Variants in CMIP observed in about 807,000 individuals in gnomAD.
CMIP encodes the protein C-Maf-inducing protein.
CMIP carries 13 observed loss-of-function variants against 97.3 expected under a neutral mutation model. The observed-to-expected ratio is 0.13, with a 90% CI of 0.09 to 0.21. The LOEUF (loss-of-function observed/expected upper bound fraction) is 0.21. Ranked by LOEUF, CMIP falls within the 10% of genes least tolerant of loss-of-function variation. The pLI is 1.00. For missense variants in CMIP, 847 were observed against 1,024.9 expected (o/e 0.83, Z 2.37); for synonymous variants, 538 against 436.3 (o/e 1.23, Z -2.91).
chr16:81,678,267 T>G lies in CMIP; in HGVS notation c.1035-8T>G. ...TACTCATGTGCCCTCTCCCGCCTCT[T>G]CCCCCAGCCGCGACAATTCCCCAAG... is the stretch of plus-strand genomic sequence containing the variant. On this transcript the variant is annotated splice_polypyrimidine_tract_variant and splice_region_variant and intron_variant, in intron 9 of 20. Coordinates refer to ENST00000537098, the MANE Select transcript of CMIP (RefSeq NM_198390.3). 6.3e-7 allele frequency: 1 copy of G among 1,576,026 alleles called. No homozygotes were observed. Among genetic ancestry groups the G allele is most frequent in the South Asian group, 1.2e-5 (1 of 86,876 alleles).
intron 1 of CMIP, among the ~76,000 whole-genome samples, chr16:81,522,780 G>A (rs2090053384): frequency 6.6e-6 from 1 of 152,052 alleles, no homozygotes; most frequent in African/African-American, 2.4e-5. Flanking sequence ...ACTGGAAAAG[G>A]TATAATTACT....
At chr16:81,633,175 A>C (rs1209068520) in intron 3 of CMIP, among the ~76,000 whole-genome samples, 1 of 152,268 alleles carries the variant, frequency 6.6e-6, no homozygotes, top group Non-Finnish European at 1.5e-5. Context: ...TTTAAAACGT[A>C]AATGAGAGGC....
intron 2 of CMIP, among the ~76,000 whole-genome samples, chr16:81,612,882 C>A (rs1055759709): frequency 6.6e-6 from 1 of 152,170 alleles, no homozygotes; most frequent in African/African-American, 2.4e-5. Flanking sequence ...CTCAGAGTGA[C>A]CCTCGGGGTT....
At chr16:81,642,482 A>T (rs1050054029) in intron 3 of CMIP, among the ~76,000 whole-genome samples, 13 of 152,022 alleles carry the variant, frequency 8.6e-5, no homozygotes, top group African/African-American at 2.9e-4. Context: ...CCCCTAAAAG[A>T]CCCCTTACAC....
At chr16:81,544,341 T>C (rs1408463594) in intron 1 of CMIP, among the ~76,000 whole-genome samples, 2 of 152,218 alleles carry the variant, frequency 1.3e-5, no homozygotes, top group Non-Finnish European at 2.9e-5. Context: ...GCAAAGTCTC[T>C]TTGGTGCTAT....
intron 1 of CMIP, among the ~76,000 whole-genome samples, chr16:81,502,430 G>A (rs1198042442): frequency 2.0e-5 from 3 of 152,198 alleles, no homozygotes; most frequent in Non-Finnish European, 2.9e-5. Flanking sequence ...AATGGAGGGG[G>A]AGGTGACATG....
chr16:81,634,240 G>A (rs935424742), intron 3 of CMIP, among the ~76,000 whole-genome samples: 4 of 152,234 alleles, frequency 2.6e-5, no homozygotes, highest in Non-Finnish European at 5.9e-5. Flanking sequence ...CATCTATTGA[G>A]TGCCTACTGT....
chr16:81,625,825 T>G (rs1348811255), intron 3 of CMIP, among the ~76,000 whole-genome samples: 5 of 152,200 alleles, frequency 3.3e-5, no homozygotes, highest in Non-Finnish European at 7.4e-5. Flanking sequence ...TGAGAGGGGT[T>G]CCTCAGGCCG....
chr16:81,499,245 G>A (rs1188709534), intron 1 of CMIP, among the ~76,000 whole-genome samples: 2 of 152,104 alleles, frequency 1.3e-5, no homozygotes, highest in Admixed American at 6.5e-5. Context: ...TACACATATG[G>A]CCATGAGCAC....
intron 5 of CMIP, 118 bp downstream of exon 5, chr16:81,657,934 C>T (rs2092503080): frequency 1.2e-6 from 1 of 820,914 alleles, no homozygotes; most frequent in Non-Finnish European, 1.9e-6. Context: ...TGGCCTTGCT[C>T]CGTTTTGTCT....
chr16:81,699,373 A>G (rs1907124004), intron 14 of CMIP, among the ~76,000 whole-genome samples: 1 of 152,264 alleles, frequency 6.6e-6, no homozygotes, highest in Non-Finnish European at 1.5e-5. Flanking sequence ...ACCCTTGCTG[A>G]GCTGGGGCTT....
intron 1 of CMIP, among the ~76,000 whole-genome samples, chr16:81,505,313 G>C (rs2089688463): frequency 6.6e-6 from 1 of 152,252 alleles, no homozygotes; most frequent in Admixed American, 6.5e-5. Flanking sequence ...TGAAAAAGGA[G>C]AGAACTGGGC....
At chr16:81,587,049 T>A (rs1425643885) in intron 1 of CMIP, among the ~76,000 whole-genome samples, 3 of 152,222 alleles carry the variant, frequency 2.0e-5, no homozygotes, top group Non-Finnish European at 1.5e-5. Context: ...GAAATCTGTG[T>A]GGTTGGTTTT....
chr16:81,577,255 A>G (rs1408890518), intron 1 of CMIP, among the ~76,000 whole-genome samples: 30 of 151,748 alleles, frequency 2.0e-4, no homozygotes, highest in Admixed American at 1.9e-3. Context: ...CATTATTATC[A>G]CTATCACCAT....
At chr16:81,464,448 A>G (rs1907080198) in intron 1 of CMIP, 3 of 152,198 alleles carry the variant, frequency 2.0e-5, no homozygotes, top group African/African-American at 2.4e-5. Flanking sequence ...CACTTTGTCT[A>G]TTTGATGATG....
intron 1 of CMIP, among the ~76,000 whole-genome samples, chr16:81,572,065 C>A (rs1210870393): frequency 2.0e-5 from 3 of 152,220 alleles, no homozygotes; most frequent in East Asian, 3.8e-4. Context: ...CCCAGGGTGA[C>A]TTTGATGTCG....
intron 1 of CMIP, among the ~76,000 whole-genome samples, chr16:81,521,238 G>A (rs1275303102): frequency 6.6e-6 from 1 of 152,202 alleles, no homozygotes; most frequent in Admixed American, 6.5e-5. Context: ...CTTCCTGAGT[G>A]GCCTCTGCAT....
chr16:81,605,910 A>G (rs2091736390), intron 1 of CMIP, among the ~76,000 whole-genome samples: 1 of 152,260 alleles, frequency 6.6e-6, no homozygotes. Context: ...TGAAGGAATG[A>G]ATGAAAAATG....
intron 3 of CMIP, among the ~76,000 whole-genome samples, chr16:81,638,591 C>A (rs553715005): frequency 1.6e-4 from 25 of 152,264 alleles, no homozygotes; most frequent in African/African-American, 6.0e-4. Context: ...CTCCCCTTGT[C>A]CCTTTCCTCT....
Sources: gnomAD v4.1 joint callset for allele counts (sites outside exome capture counted in the v4.1 genomes callset) on GRCh38, gnomAD v4.1.1 for gene constraint, MANE v1.5 for transcripts, NCBI Gene and HGNC (gene_info 2026-07-23, HGNC 2026-07-21) for gene names.